RTTN: variants seen among roughly 807,000 people sequenced by gnomAD.
RTTN encodes the protein rotatin.
In RTTN, 182 loss-of-function variants were observed where a neutral mutation model predicts 269.2. That is an observed-to-expected ratio of 0.68 (90% CI 0.60 to 0.76). The LOEUF (loss-of-function observed/expected upper bound fraction) is 0.76. Among genes scored for constraint, RTTN ranks in the 30% least tolerant of loss-of-function variants. The pLI, the probability that RTTN is intolerant of heterozygous loss-of-function variation, is 0.00. For synonymous variants in RTTN, 1,006 were observed against 963.5 expected (o/e 1.04, Z -0.82); for missense variants, 2,545 against 2,608.6 (o/e 0.98, Z 0.53).
intron 32 of RTTN, among the ~76,000 whole-genome samples, chr18:70,077,695 T>A (rs1439709567): frequency 2.0e-5 from 3 of 151,868 alleles, no homozygotes. Context: ...AACACAGACT[T>A]AGAAAATATA....
At chr18:70,041,251 TA>T (rs369257650) in intron 40 of RTTN, among the ~76,000 whole-genome samples, 1,859 of 151,636 alleles carry the variant, frequency 0.012, 22 homozygotes, top group South Asian at 0.038. Flanking sequence ...AAAATAAAAA[TA>T]AAAAATTGCT....
rs758207275 is a variant in RTTN at position 70,092,111 on chromosome 18, T to A, written c.4142A>T (p.Glu1381Val). ...LIPLWVDRDP[E>V]VRFTSLGLGS... ...CACTTGATTCTCCTTCACACTCACC[T>A]CTGGGTCCCGATCAACCCATAATGG... The change falls in exon 30 of 49, where the codon GAG becomes GTG. Residue 1381 changes from glutamate (E) to valine (V), a missense_variant and splice_region_variant. Physicochemically the swap from Glu to Val is moderately radical, Grantham distance 121 (BLOSUM62 -2). Coordinates refer to ENST00000640769, the MANE Select transcript of RTTN (RefSeq NM_173630.4). 1.8e-5 allele frequency: 28 copies of A among 1,596,820 alleles called. No individual in the cohort carries two copies. Among genetic ancestry groups the A allele is most frequent in the Non-Finnish European group, 2.1e-5 (25 of 1,164,752 alleles).
chr18:70,010,772 C>A (rs1016292588), intron 46 of RTTN, among the ~76,000 whole-genome samples: 2 of 152,054 alleles, frequency 1.3e-5, no homozygotes, highest in Admixed American at 6.6e-5. Flanking sequence ...ACACGAAAAA[C>A]CCTTCAAAAA....
At chr18:70,097,632 A>C (rs1269175683) in intron 28 of RTTN, among the ~76,000 whole-genome samples, 1 of 152,242 alleles carries the variant, frequency 6.6e-6, no homozygotes, top group African/African-American at 2.4e-5. Context: ...TGGCTAATCA[A>C]ATTTTTTATA....
chr18:70,098,762 T>C (rs965409714), intron 28 of RTTN, among the ~76,000 whole-genome samples: 3 of 152,198 alleles, frequency 2.0e-5, no homozygotes, highest in African/African-American at 7.2e-5. Context: ...TCATTTATAT[T>C]AGGTATATCT....
At chr18:70,064,588 G>T (rs902536812) in intron 35 of RTTN, among the ~76,000 whole-genome samples, 1 of 152,092 alleles carries the variant, frequency 6.6e-6, no homozygotes, top group African/African-American at 2.4e-5. Flanking sequence ...AGTCACACAA[G>T]ACCATGTTAT....
At chr18:70,098,568 T>C (rs1045292780) in intron 28 of RTTN, among the ~76,000 whole-genome samples, 8 of 152,196 alleles carry the variant, frequency 5.3e-5, no homozygotes, top group Non-Finnish European at 7.3e-5. Flanking sequence ...ACATTTCTAA[T>C]AGACAGCAGA....
intron 38 of RTTN, among the ~76,000 whole-genome samples, chr18:70,053,714 T>G (rs1165349044): frequency 3.9e-5 from 6 of 152,262 alleles, no homozygotes; most frequent in African/African-American, 7.2e-5. Context: ...CCCCTGGAGA[T>G]AACATTAGAT....
chr18:70,086,384 T>C (rs905817790), intron 32 of RTTN, among the ~76,000 whole-genome samples: 23 of 152,154 alleles, frequency 1.5e-4, no homozygotes, highest in African/African-American at 5.3e-4. Context: ...GCCTAAAACA[T>C]AGTAAACATA....
At position 70,059,795 on chromosome 18, in the gene RTTN, G is replaced by A. The variant is rs1445666978; in HGVS notation, c.4940+55C>T. The A allele has an allele frequency of 8.3e-6, 10 of 1,197,648 alleles. No individual in the cohort carries two copies. In the Admixed American group the frequency reaches 2.1e-4, roughly 25 times the overall value. 74.2% of individuals were successfully genotyped at this position (1,197,648 alleles called of 1,614,324 possible). A position where few individuals can be genotyped will look rare whatever the true frequency, so the allele number is the denominator to read the frequency against. On this transcript the variant is annotated intron_variant, in intron 36 of 48. Coordinates refer to ENST00000640769, the MANE Select transcript of RTTN (RefSeq NM_173630.4). ...AATCTTGTATCAAGTCATGAATACAGTTTGTGTAAATTTATCTCAACTAAC... is the reference window on the plus strand; with the variant it reads ...AATCTTGTATCAAGTCATGAATACAATTTGTGTAAATTTATCTCAACTAAC...
chr18:70,066,711 T>C (rs1460700355), intron 34 of RTTN, among the ~76,000 whole-genome samples: 6 of 152,186 alleles, frequency 3.9e-5, no homozygotes, highest in Non-Finnish European at 7.3e-5. Context: ...TAGCTATCCA[T>C]AGAAGTTATA....
intron 8 of RTTN, among the ~76,000 whole-genome samples, chr18:70,192,508 C>G (rs1460749093): frequency 6.6e-6 from 1 of 151,772 alleles, no homozygotes; most frequent in Non-Finnish European, 1.5e-5. Context: ...TAGTGAGACC[C>G]CATCTCTACA....
intron 21 of RTTN, among the ~76,000 whole-genome samples, chr18:70,137,143 T>C (rs2060144043): frequency 6.6e-6 from 1 of 152,188 alleles, no homozygotes; most frequent in African/African-American, 2.4e-5. Context: ...TAGTTCTATA[T>C]TGCCTGAATT....
rs748040661 is a variant in RTTN at position 70,190,646 on chromosome 18, G to C, written c.1081C>G (p.Leu361Val). ...GTGTCTTCAGTTTCCAGCTCTGGCA[G>C]ATCTATGTGTCCCATATCCAAAGGT... ...HSPLDMGHID[L>V]PELETEDTLE... The change falls in exon 9 of 49, where the codon CTG becomes GTG. Residue 361 changes from leucine (L) to valine (V), a missense_variant. Coordinates refer to ENST00000640769, the MANE Select transcript of RTTN (RefSeq NM_173630.4). 4 of 1,613,588 alleles carry C rather than the reference G, an allele frequency of 2.5e-6. No individual in the cohort carries two copies. In the East Asian group the frequency reaches 6.7e-5, roughly 27 times the overall value.
At chr18:70,067,395 G>A (rs1262180523) in intron 34 of RTTN, among the ~76,000 whole-genome samples, 18 of 151,524 alleles carry the variant, frequency 1.2e-4, no homozygotes, top group Admixed American at 3.3e-4. Flanking sequence ...TCCTGACCTC[G>A]TGATCCGCCC....
At chr18:70,188,339 T>C (rs1214376445) in intron 9 of RTTN, 116 bp from the exon 10 acceptor site, 1 of 630,546 alleles carries the variant, frequency 1.6e-6, no homozygotes, top group Non-Finnish European at 2.8e-6. Context: ...TTTTCTCTTT[T>C]TTTCTAATGT....
chr18:70,146,981 C>T (rs2060410707), intron 17 of RTTN, among the ~76,000 whole-genome samples: 1 of 152,212 alleles, frequency 6.6e-6, no homozygotes, highest in African/African-American at 2.4e-5. Context: ...TTGTTCCTTA[C>T]ATTCTAAGCC....
chr18:70,028,829 T>C lies in RTTN; in HGVS notation c.5746-28A>G, dbSNP rs772041812. The C allele has an allele frequency of 5.4e-6, 8 of 1,484,402 alleles. No homozygotes were observed. The African/African-American group carries it at 9.7e-5, about 18-fold the overall frequency. 92.0% of individuals were successfully genotyped at this position (1,484,402 alleles called of 1,614,324 possible). On this transcript the variant is annotated intron_variant, in intron 42 of 48. Transcript: ENST00000640769. ...ATTTAAACAAAAAGCAGTTGAAAAC[T>C]GTGAATGCAACAGCATACTTCACTT...
At chr18:70,032,168 G>A (rs994772488) in intron 40 of RTTN, among the ~76,000 whole-genome samples, 2 of 152,322 alleles carry the variant, frequency 1.3e-5, no homozygotes, top group African/African-American at 4.8e-5. Flanking sequence ...ATCCCTAGGG[G>A]AACTGTGGGA....
Sources: allele counts gnomAD v4.1 joint callset (sites outside exome capture counted in the v4.1 genomes callset), GRCh38; gene constraint gnomAD v4.1.1; transcripts MANE v1.5; gene names NCBI Gene and HGNC (gene_info 2026-07-23, HGNC 2026-07-21).